Variants in PCDH7 observed in about 807,000 individuals in gnomAD.
The protein encoded by PCDH7 is protocadherin-7.
Under a neutral mutation model 58.9 loss-of-function variants are expected in PCDH7, and 17 were observed. The observed-to-expected ratio is 0.29, with a 90% CI of 0.20 to 0.43. The LOEUF (loss-of-function observed/expected upper bound fraction) is 0.43, where lower values mean the gene tolerates loss of function less well. PCDH7 is among the 20% of genes least tolerant of loss of function. The pLI, the probability that PCDH7 is intolerant of heterozygous loss-of-function variation, is 1.00. For missense variants in PCDH7, 1,274 were observed against 1,441.0 expected (o/e 0.88, Z 1.88); for synonymous variants, 664 against 616.4 (o/e 1.08, Z -1.14).
At chr4:30,992,793 CTTTTTT>C (rs577504420) in intron 3 of PCDH7, among the ~76,000 whole-genome samples, 2 of 95,666 alleles carry the variant, frequency 2.1e-5, no homozygotes, top group Non-Finnish European at 3.9e-5. Flanking sequence ...CTGTCCCATT[CTTTTTT>C]TTTTTTTTTT....
intron 3 of PCDH7, 151 bp from the exon 3 acceptor site, chr4:31,142,322 C>G: frequency 1.5e-6 from 1 of 660,622 alleles, no homozygotes; most frequent in Non-Finnish European, 2.2e-6. Context: ...GGATTAAAAA[C>G]TGTCCTATGG....
At chr4:30,876,575 T>C (rs879445032) in intron 1 of PCDH7, among the ~76,000 whole-genome samples, 1 of 152,044 alleles carries the variant, frequency 6.6e-6, no homozygotes, top group Non-Finnish European at 1.5e-5. Flanking sequence ...GCAAGTTTTA[T>C]GGTGTGTTTA....
chr4:31,068,459 A>G (rs1758274484), intron 3 of PCDH7, among the ~76,000 whole-genome samples: 1 of 152,034 alleles, frequency 6.6e-6, no homozygotes, highest in Non-Finnish European at 1.5e-5. Context: ...TTAGGCTTGT[A>G]GACTCCAATA....
intron 1 of PCDH7, among the ~76,000 whole-genome samples, chr4:30,803,853 T>A (rs548280238): frequency 6.6e-6 from 1 of 152,350 alleles, no homozygotes; most frequent in South Asian, 2.1e-4. Context: ...AGTGGAACAA[T>A]GTCCTGGAAT....
chr4:30,773,501 T>C (rs73121564), intron 1 of PCDH7, among the ~76,000 whole-genome samples: 1,966 of 152,232 alleles, frequency 0.013, 48 homozygotes, highest in African/African-American at 0.045. Flanking sequence ...TTTTTTCTTT[T>C]TCTTTTTTGG....
intron 1 of PCDH7, among the ~76,000 whole-genome samples, chr4:30,767,045 T>A (rs1285551444): frequency 6.6e-6 from 1 of 152,164 alleles, no homozygotes; most frequent in Non-Finnish European, 1.5e-5. Context: ...CTGATACTTT[T>A]TTTTTTCTTA....
At chr4:30,850,243 A>G (rs1732548882) in intron 1 of PCDH7, among the ~76,000 whole-genome samples, 1 of 152,080 alleles carries the variant, frequency 6.6e-6, no homozygotes, top group Non-Finnish European at 1.5e-5. Context: ...AGTGTATCTC[A>G]ATGACTGTGC....
intron 3 of PCDH7, among the ~76,000 whole-genome samples, chr4:31,135,088 A>C (rs1217287786): frequency 6.6e-6 from 1 of 152,048 alleles, no homozygotes; most frequent in East Asian, 1.9e-4. Flanking sequence ...GTTTTGTTTT[A>C]TGATTTTTGA....
At chr4:30,905,636 G>C (rs966902760) in intron 1 of PCDH7, among the ~76,000 whole-genome samples, 1 of 152,136 alleles carries the variant, frequency 6.6e-6, no homozygotes, top group Non-Finnish European at 1.5e-5. Flanking sequence ...GTCTCTGTTG[G>C]ATTGCATGTC....
intron 3 of PCDH7, among the ~76,000 whole-genome samples, chr4:30,983,968 AC>A (rs1750770287): frequency 6.6e-6 from 1 of 152,190 alleles, no homozygotes; most frequent in African/African-American, 2.4e-5. Context: ...AAAGCATTCC[AC>A]ACTTCTCTGT....
At chr4:30,748,232 A>T (rs978337499) in intron 1 of PCDH7, among the ~76,000 whole-genome samples, 1 of 152,302 alleles carries the variant, frequency 6.6e-6, no homozygotes, top group Non-Finnish European at 1.5e-5. Flanking sequence ...ACCTGCTACA[A>T]TCAGAGGCCG....
chr4:30,794,697 C>T (rs899814139), intron 1 of PCDH7, among the ~76,000 whole-genome samples: 1 of 151,596 alleles, frequency 6.6e-6, no homozygotes, highest in African/African-American at 2.4e-5. Flanking sequence ...GGATTTTTGG[C>T]AAATGACATA....
intron 1 of PCDH7, among the ~76,000 whole-genome samples, chr4:30,787,637 C>T (rs541316795): frequency 8.5e-5 from 13 of 152,112 alleles, no homozygotes; most frequent in African/African-American, 3.1e-4. Flanking sequence ...TTTATATATG[C>T]AGAAGAGGGC....
chr4:31,087,069 T>A (rs1712533138), intron 3 of PCDH7, among the ~76,000 whole-genome samples: 1 of 152,142 alleles, frequency 6.6e-6, no homozygotes, highest in African/African-American at 2.4e-5. Flanking sequence ...AAATAACTGT[T>A]CTCTGCATTG....
intron 3 of PCDH7, among the ~76,000 whole-genome samples, chr4:31,003,146 C>G (rs1207422825): frequency 3.3e-5 from 5 of 151,810 alleles, no homozygotes; most frequent in African/African-American, 4.8e-5. Flanking sequence ...TTTTTTAAGC[C>G]TCTTGATCAC....
chr4:31,016,795 G>C (rs778328500), intron 3 of PCDH7, among the ~76,000 whole-genome samples: 5 of 151,718 alleles, frequency 3.3e-5, no homozygotes, highest in Non-Finnish European at 7.4e-5. Flanking sequence ...GTGTGTGTGT[G>C]TGTGCGTGTG....
At chr4:30,938,198 A>G (rs1055978093) in intron 2 of PCDH7, among the ~76,000 whole-genome samples, 1 of 152,114 alleles carries the variant, frequency 6.6e-6, no homozygotes. Context: ...TATTGCTCAG[A>G]CACACATTCT....
chr4:31,069,169 T>C (rs950806154), intron 3 of PCDH7, among the ~76,000 whole-genome samples: 1 of 152,054 alleles, frequency 6.6e-6, no homozygotes, highest in Non-Finnish European at 1.5e-5. Context: ...CCTTTATTTT[T>C]AGGGATAAAT....
chr4:30,840,822 G>A (rs560893540), intron 1 of PCDH7, among the ~76,000 whole-genome samples: 24 of 151,806 alleles, frequency 1.6e-4, no homozygotes, highest in Non-Finnish European at 2.1e-4. Context: ...TTTATGAGTC[G>A]TGGAATGTGT....
Sources: allele counts gnomAD v4.1 joint callset (sites outside exome capture counted in the v4.1 genomes callset), GRCh38; gene constraint gnomAD v4.1.1; transcripts MANE v1.5; gene names NCBI Gene and HGNC (gene_info 2026-07-23, HGNC 2026-07-21).